The following MASP1 variants were observed in gnomAD, a reference collection of about 807,000 sequenced individuals.
MASP1 encodes mannan-binding lectin serine protease 1.
Under a neutral mutation model 77.1 loss-of-function variants are expected in MASP1, and 59 were observed. That is an observed-to-expected ratio of 0.77 (90% CI 0.62 to 0.95). The LOEUF (loss-of-function observed/expected upper bound fraction) is 0.95. MASP1 is among the 40% of genes least tolerant of loss of function. The pLI is 0.00. For synonymous variants in MASP1, 362 were observed against 354.5 expected (o/e 1.02, Z -0.24); for missense variants, 885 against 912.9 (o/e 0.97, Z 0.39).
intron 2 of MASP1, among the ~76,000 whole-genome samples, chr3:187,272,961 A>G (rs1332843018): frequency 1.3e-5 from 2 of 152,196 alleles, no homozygotes; most frequent in Non-Finnish European, 2.9e-5. Context: ...ACTGTTGTAA[A>G]TAGGATGGGA....
intron 8 of MASP1, among the ~76,000 whole-genome samples, chr3:187,248,027 C>T (rs1235119086): frequency 6.6e-6 from 1 of 152,170 alleles, no homozygotes; most frequent in African/African-American, 2.4e-5. Context: ...CAGTCCTGTC[C>T]TTGCCTCTCC....
intron 1 of MASP1, 142 bp downstream of exon 1, chr3:187,291,486 G>T: frequency 1.8e-6 from 2 of 1,138,238 alleles, no homozygotes; most frequent in Non-Finnish European, 2.6e-6. Context: ...CCTTCTCAGA[G>T]CCCTAAGAAT....
intron 15 of MASP1, among the ~76,000 whole-genome samples, chr3:187,220,492 C>CTTTTTTT (rs747532550): frequency 1.9e-4 from 26 of 134,596 alleles, no homozygotes; most frequent in South Asian, 4.9e-4. Flanking sequence ...TTTCTTTTTT[C>CTTTTTTT]TTTCTTTTTT....
chr3:187,282,703 A>G (rs879659191), intron 2 of MASP1, among the ~76,000 whole-genome samples: 4 of 152,202 alleles, frequency 2.6e-5, no homozygotes, highest in African/African-American at 9.6e-5. Flanking sequence ...GCCAACTAGC[A>G]TGCAGCATCC....
chr3:187,228,376 C>T (rs771385809), intron 11 of MASP1, among the ~76,000 whole-genome samples: 25 of 151,864 alleles, frequency 1.6e-4, no homozygotes, highest in Non-Finnish European at 2.8e-4. Flanking sequence ...TGCCCTCTAA[C>T]AAAATCGGAG....
chr3:187,239,143 G>C (rs1200768402), intron 10 of MASP1, among the ~76,000 whole-genome samples: 1 of 147,764 alleles, frequency 6.8e-6, no homozygotes, highest in East Asian at 2.0e-4. Flanking sequence ...GGGAGTTCGA[G>C]ACCAGCCTGA....
At chr3:187,266,164 G>A (rs1474607544) in intron 2 of MASP1, among the ~76,000 whole-genome samples, 1 of 152,132 alleles carries the variant, frequency 6.6e-6, no homozygotes. Context: ...CTTCTTGTGG[G>A]CGACTATGTC....
chr3:187,266,667 A>G (rs1256854933), intron 2 of MASP1, among the ~76,000 whole-genome samples: 1 of 152,188 alleles, frequency 6.6e-6, no homozygotes, highest in East Asian at 1.9e-4. Context: ...CCCACTACCC[A>G]TTACCTGGCG....
chr3:187,257,363 CTTATTTTA>C (rs1560017638), intron 4 of MASP1, among the ~76,000 whole-genome samples: 1 of 151,680 alleles, frequency 6.6e-6, no homozygotes, highest in Admixed American at 6.6e-5. Context: ...TTCCTTCTTA[CTTATTTTA>C]TTTTATTTTA....
chr3:187,280,595 G>GA (rs1325440452), intron 2 of MASP1, among the ~76,000 whole-genome samples: 4 of 151,956 alleles, frequency 2.6e-5, no homozygotes, highest in Non-Finnish European at 4.4e-5. Flanking sequence ...TGCATTTTTG[G>GA]AAAAAAATTC....
At position 187,243,344 on chromosome 3, in the gene MASP1, G is replaced by A; in HGVS notation, c.1228+140C>T. 12 of 847,908 alleles carry A rather than the reference G, an allele frequency of 1.4e-5. No individual in the cohort carries two copies. In the South Asian group the frequency reaches 1.7e-4, roughly 12 times the overall value. 52.5% of individuals were successfully genotyped at this position (847,908 alleles called of 1,614,324 possible). On this transcript the variant is annotated intron_variant, in intron 9 of 10. Coordinates refer to ENST00000296280, the MANE Select transcript of MASP1 (RefSeq NM_139125.4). ...CATGAAAAGTGAGAACCTGAGATGTGTGAGTGACACGTTTTGCATTATCAG... is the reference window on the plus strand; with the variant it reads ...CATGAAAAGTGAGAACCTGAGATGTATGAGTGACACGTTTTGCATTATCAG...
chr3:187,274,622 G>A (rs536393514), intron 2 of MASP1, among the ~76,000 whole-genome samples: 1 of 152,324 alleles, frequency 6.6e-6, no homozygotes, highest in East Asian at 1.9e-4. Context: ...CCAGGATGGT[G>A]TTCTTATTTG....
intron 2 of MASP1, among the ~76,000 whole-genome samples, chr3:187,280,179 A>G (rs1271601900): frequency 2.6e-5 from 4 of 152,244 alleles, no homozygotes; most frequent in Non-Finnish European, 5.9e-5. Context: ...GACATATAGA[A>G]GGCTATTACA....
chr3:187,278,929 C>T (rs1717184792), intron 2 of MASP1, among the ~76,000 whole-genome samples: 1 of 152,174 alleles, frequency 6.6e-6, no homozygotes, highest in East Asian at 1.9e-4. Flanking sequence ...TCCAGATTAA[C>T]CTTCCTCAAG....
Position 187,285,867 on chromosome 3 carries a change from G to A in MASP1, c.195C>T (p.Phe65=), listed in dbSNP as rs1480724255. ...GFRIKLYFMH[F]NLESSYLCEY... ...CACAAAGGTAGGAGGATTCCAAGTTGAAGTGCATGAAGTAAAGCTTGATCC... is the reference window on the plus strand; with the variant it reads ...CACAAAGGTAGGAGGATTCCAAGTTAAAGTGCATGAAGTAAAGCTTGATCC... Residue 65 remains phenylalanine, a synonymous_variant, in exon 2 of 11, where the codon TTC becomes TTT. Transcript: ENST00000296280. 1 of 1,614,054 alleles carries A rather than the reference G, an allele frequency of 6.2e-7. No individual in the cohort carries two copies. Among genetic ancestry groups the A allele is most frequent in the African/African-American group, 1.3e-5 (1 of 74,936 alleles).
chr3:187,267,282 C>T (rs1301284833), intron 2 of MASP1, among the ~76,000 whole-genome samples: 4 of 152,172 alleles, frequency 2.6e-5, no homozygotes, highest in African/African-American at 7.2e-5. Context: ...CTTTGTTTGT[C>T]AATGTTCCCG....
chr3:187,256,893 C>G (rs374050462), intron 4 of MASP1, 33 bp from the exon 5 acceptor site: 2 of 1,589,180 alleles, frequency 1.3e-6, no homozygotes, highest in African/African-American at 2.7e-5. Flanking sequence ...AATGGCGCAT[C>G]GCAACCACAG....
At chr3:187,266,368 A>G (rs1716018683) in intron 2 of MASP1, among the ~76,000 whole-genome samples, 1 of 152,190 alleles carries the variant, frequency 6.6e-6, no homozygotes, top group South Asian at 2.1e-4. Context: ...GACACTTGGT[A>G]GAAGAATAAG....
chr3:187,285,170 G>C (rs372142680), intron 2 of MASP1, among the ~76,000 whole-genome samples: 11 of 151,080 alleles, frequency 7.3e-5, no homozygotes, highest in African/African-American at 2.4e-4. Flanking sequence ...TTTTTTTTGT[G>C]GGGGGTTCTC....
Sources: gnomAD v4.1 joint callset for allele counts (sites outside exome capture counted in the v4.1 genomes callset) on GRCh38, gnomAD v4.1.1 for gene constraint, MANE v1.5 for transcripts, NCBI Gene and HGNC (gene_info 2026-07-23, HGNC 2026-07-21) for gene names.